The following SYNE1 variants were observed in gnomAD, a reference collection of about 807,000 sequenced individuals.
SYNE1 encodes spectrin repeat containing nuclear envelope protein 1.
A neutral mutation model predicts 1,111.0 loss-of-function variants in SYNE1; 616 were observed. The observed-to-expected ratio is 0.55, with a 90% CI of 0.52 to 0.59. The LOEUF is 0.59. SYNE1 is among the 20% of genes least tolerant of loss of function. The probability of loss-of-function intolerance (pLI) is 0.00; values close to 1 mark genes in which losing one functional copy is unlikely to be tolerated. For missense variants in SYNE1, 10,006 were observed against 10,417.0 expected, an observed-to-expected ratio of 0.96 and a Z score of 1.72; for synonymous variants, 3,855 against 3,825.8, an observed-to-expected ratio of 1.01 and a Z score of -0.28.
At chr6:152,161,446 T>G (rs1203345706) in intron 131 of SYNE1, among the ~76,000 whole-genome samples, 1 of 151,760 alleles carries the variant, frequency 6.6e-6, no homozygotes, top group African/African-American at 2.4e-5. Context: ...TATTTATCTT[T>G]TTGTTTTACT....
intron 126 of SYNE1, among the ~76,000 whole-genome samples, chr6:152,203,760 G>A (rs894844029): frequency 1.3e-5 from 2 of 152,072 alleles, no homozygotes; most frequent in African/African-American, 2.4e-5. Flanking sequence ...TTTGGCACAA[G>A]TCTCATTTCT....
At position 152,169,217 on chromosome 6, in the gene SYNE1, C is replaced by T. The variant is rs920889345; in HGVS notation, c.23628-4892G>A. ...CTAAAATAAAACAAAGCATCTGGTTCTGGTCATGTGAGTTGACTGTTTTTA... is the reference window on the plus strand; with the variant it reads ...CTAAAATAAAACAAAGCATCTGGTTTTGGTCATGTGAGTTGACTGTTTTTA... On this transcript the variant is annotated intron_variant, in intron 130 of 145. Transcript: ENST00000367255. Among the ~76,000 whole-genome samples, 7 of 152,162 alleles carry T rather than the reference C, an allele frequency of 4.6e-5. 1 individual carries two copies. In the South Asian group the frequency reaches 1.5e-3, roughly 32 times the overall value.
intron 130 of SYNE1, among the ~76,000 whole-genome samples, chr6:152,170,572 G>A (rs541807629): frequency 2.0e-5 from 3 of 152,220 alleles, no homozygotes; most frequent in South Asian, 2.1e-4. Context: ...GGCACCTTCC[G>A]ACTCAAACAC....
chr6:152,430,056 G>T, intron 36 of SYNE1, 56 bp downstream of exon 36: 1 of 1,219,364 alleles, frequency 8.2e-7, no homozygotes, highest in East Asian at 2.5e-5. Context: ...CTTTTCAAGT[G>T]GGAATTATCA....
rs515258 is a variant in SYNE1 at position 152,428,529 on chromosome 6, T to C, written c.4789-137A>G. ...ATAGCACTAAGAATGGGTACAAATA[T>C]ACAGTTTGATAGAAGAAATGAGACT... is the stretch of plus-strand genomic sequence containing the variant. On this transcript the variant is annotated intron_variant, in intron 36 of 145. Coordinates refer to ENST00000367255, the MANE Select transcript of SYNE1 (RefSeq NM_182961.4). 0.23 allele frequency: 183,833 copies of C among 794,436 alleles called. 22,879 individuals carry two copies. Among genetic ancestry groups the C allele is most frequent in the East Asian group, 0.4 (14,889 of 37,520 alleles). The allele number at this position is 794,436 out of a possible 1,614,324, so 49.2% of individuals were successfully genotyped here.
At chr6:152,500,813 T>A (rs2099025525) in intron 10 of SYNE1, among the ~76,000 whole-genome samples, 1 of 151,592 alleles carries the variant, frequency 6.6e-6, no homozygotes, top group African/African-American at 2.4e-5. Context: ...TAGCCGGGCG[T>A]GGTGGCGGGC....
At chr6:152,364,701 G>GAAGGAAGA (rs2097024722) in intron 63 of SYNE1, 146 bp downstream of exon 63, 8 of 778,014 alleles carry the variant, frequency 1.0e-5, no homozygotes, top group Non-Finnish European at 1.5e-5. Flanking sequence ...AGGAAGGAAG[G>GAAGGAAGA]AAGGAAGGAA....
At chr6:152,438,052 C>A (rs2098490981) in intron 32 of SYNE1, among the ~76,000 whole-genome samples, 1 of 152,122 alleles carries the variant, frequency 6.6e-6, no homozygotes, top group Non-Finnish European at 1.5e-5. Flanking sequence ...CTTCAGAGAA[C>A]TACGTTGCAA....
intron 50 of SYNE1, 132 bp from the exon 51 acceptor site, chr6:152,395,803 C>T: frequency 2.3e-6 from 2 of 866,120 alleles, no homozygotes; most frequent in South Asian, 1.5e-5. Context: ...AAAAACAAAA[C>T]AAAACTTAAC....
At chr6:152,532,610 T>G (rs73782878) in intron 4 of SYNE1, among the ~76,000 whole-genome samples, 1 of 152,238 alleles carries the variant, frequency 6.6e-6, no homozygotes, top group African/African-American at 2.4e-5. Flanking sequence ...TGACCTGAGA[T>G]AGTCACAACA....
At chr6:152,507,205 A>G (rs2099062499) in intron 8 of SYNE1, among the ~76,000 whole-genome samples, 1 of 152,126 alleles carries the variant, frequency 6.6e-6, no homozygotes, top group Non-Finnish European at 1.5e-5. Flanking sequence ...ACATTTCCTC[A>G]TTTAAAAATG....
chr6:152,254,687 A>G (rs1174185063), intron 104 of SYNE1, among the ~76,000 whole-genome samples, 193 bp downstream of exon 104: 4 of 152,052 alleles, frequency 2.6e-5, no homozygotes, highest in Non-Finnish European at 4.4e-5. Flanking sequence ...GGTTTTCTCA[A>G]CCTTCCATTT....
chr6:152,374,757 GA>G (rs1162611288), intron 58 of SYNE1, among the ~76,000 whole-genome samples: 3 of 149,224 alleles, frequency 2.0e-5, no homozygotes, highest in Non-Finnish European at 4.4e-5. Flanking sequence ...CTGGGTGACA[GA>G]GTAAACACTT....
At chr6:152,239,210 C>A (rs1355179725) in intron 108 of SYNE1, among the ~76,000 whole-genome samples, 1 of 152,124 alleles carries the variant, frequency 6.6e-6, no homozygotes, top group Admixed American at 6.5e-5. Flanking sequence ...AGCCACTGCA[C>A]CTGGCCTATT....
At position 152,628,277 on chromosome 6, in the gene SYNE1, G is replaced by C; in HGVS notation, c.55C>G (p.Gln19Glu). The C allele has an allele frequency of 1.2e-6, 2 of 1,614,082 alleles. No individual in the cohort carries two copies. The highest frequency in any genetic ancestry group is 1.7e-6 in the Non-Finnish European group (2 of 1,180,018). The change falls in exon 3 of 146, where the codon CAG becomes GAG. Residue 19 changes from glutamine to glutamate, a missense_variant. By Grantham distance (29) the Gln-to-Glu change is conservative (BLOSUM62 2). This residue lies in a region of SYNE1 where 1,971 missense variants were observed against 2,084.1 expected (regional missense o/e 0.95). Coordinates refer to ENST00000367255, the MANE Select transcript of SYNE1 (RefSeq NM_182961.4). ...TTCTTCCCCCTACCTTGCAGCCTCT[G>C]CATCACATTGGCGATATCCCGAGGA... ...RCPRDIANVMQRLQDEQEIVQ... is the reference protein window; with the variant it reads ...RCPRDIANVMERLQDEQEIVQ...
At position 152,191,581 on chromosome 6, in the gene SYNE1, G is replaced by A. The variant is rs115199782; in HGVS notation, c.23146-2174C>T. On this transcript the variant is annotated intron_variant, in intron 127 of 145. Transcript: ENST00000367255. ...TGGCATATAGTTGCTCATAAAAGCC[G>A]CTAAAGATCCTTTAAATTTCTGTGG... 3.1e-3 allele frequency among the ~76,000 whole-genome samples: 471 copies of A among 152,140 alleles called. 4 individuals are homozygous for A. Among genetic ancestry groups the A allele is most frequent in the African/African-American group, 0.011 (441 of 41,512 alleles).
At chr6:152,174,754 T>C (rs1403638957) in intron 130 of SYNE1, among the ~76,000 whole-genome samples, 9 of 152,172 alleles carry the variant, frequency 5.9e-5, no homozygotes, top group Admixed American at 5.2e-4. Flanking sequence ...AGCCCCTGTA[T>C]CTGTAAAATG....
chr6:152,290,791 T>C (rs528366043), intron 95 of SYNE1, among the ~76,000 whole-genome samples: 2 of 152,210 alleles, frequency 1.3e-5, no homozygotes, highest in South Asian at 4.1e-4. Flanking sequence ...ACCCATTCAG[T>C]TGAAATTTAG....
At chr6:152,160,260 C>T (rs2062190635) in intron 131 of SYNE1, among the ~76,000 whole-genome samples, 1 of 152,220 alleles carries the variant, frequency 6.6e-6, no homozygotes, top group South Asian at 2.1e-4. Flanking sequence ...CTGGATTTTA[C>T]AATCCTCTCT....
Sources: allele counts gnomAD v4.1 joint callset (sites outside exome capture counted in the v4.1 genomes callset), GRCh38; gene constraint gnomAD v4.1.1; regional missense constraint gnomAD v4.1.1; transcripts MANE v1.5; gene names NCBI Gene and HGNC (gene_info 2026-07-23, HGNC 2026-07-21).